ANKRD36: variants seen among roughly 807,000 people sequenced by gnomAD.
ANKRD36 encodes ankyrin repeat domain-containing protein 36A.
A neutral mutation model predicts 278.1 loss-of-function variants in ANKRD36; 179 were observed. The observed-to-expected ratio is 0.64, with a 90% CI of 0.57 to 0.73. The LOEUF (loss-of-function observed/expected upper bound fraction) is 0.73, where lower values mean the gene tolerates loss of function less well. ANKRD36 is among the 30% of genes least tolerant of loss of function. The pLI is 0.00. For missense variants in ANKRD36, 1,159 were observed against 1,956.7 expected (o/e 0.59, Z 7.69); for synonymous variants, 320 against 641.1 (o/e 0.50, Z 7.57).
Position 97,211,691 on chromosome 2 carries a change from C to T in ANKRD36, c.3419C>T (p.Ser1140Phe), listed in dbSNP as rs1470025095. The T allele has an allele frequency of 1.9e-6, 3 of 1,595,150 alleles. No individual in the cohort carries two copies. The highest frequency in any genetic ancestry group is 2.6e-6 in the Non-Finnish European group (3 of 1,172,140). The stretch of plus-strand genomic sequence containing the variant: ...CAGGCTATCTGTGACAAGGAAGATT[C>T]TGTTCCGAATATGGCCACGGAAAAA... ...ALKAICDKED[S>F]VPNMATEKKD... Residue 1140 changes from serine (S) to phenylalanine (F), a missense_variant, in exon 58 of 76, where the codon TCT (serine) becomes TTT (phenylalanine). Ser to Phe is a radical substitution (Grantham distance 155, BLOSUM62 -2). Transcript: ENST00000420699.
rs1445411117 is a variant in ANKRD36 at position 97,177,557 on chromosome 2, G to C, written c.1634-2181G>C. On this transcript the variant is annotated intron_variant, in intron 22 of 75. Transcript: ENST00000420699. ...CAGCTACCTGATCTTTGACAAACCT[G>C]AGAAAAACAAGCAATGGGGAAAGGA... Among the ~76,000 whole-genome samples, 3 of 151,994 alleles carry C rather than the reference G, an allele frequency of 2.0e-5. No individual in the cohort carries two copies. In the East Asian group the frequency reaches 5.8e-4, roughly 29 times the overall value.
chr2:97,231,423 C>G (rs558153346), intron 67 of ANKRD36, among the ~76,000 whole-genome samples: 1 of 152,170 alleles, frequency 6.6e-6, no homozygotes, highest in Non-Finnish European at 1.5e-5. Flanking sequence ...TCCATGGGCG[C>G]AGGACCCTCT....
At chr2:97,160,120 T>A (rs2048504121) in intron 17 of ANKRD36, among the ~76,000 whole-genome samples, 1 of 152,242 alleles carries the variant, frequency 6.6e-6, no homozygotes, top group South Asian at 2.1e-4. Flanking sequence ...CTAATTTATA[T>A]TCATTGAATG....
chr2:97,113,974 C>T (rs553638816), intron 1 of ANKRD36, 38 bp downstream of exon 1: 2 of 1,539,752 alleles, frequency 1.3e-6, no homozygotes, highest in African/African-American at 2.8e-5. Context: ...GGGAGGAGGC[C>T]TGTGGATGTG....
intron 6 of ANKRD36, among the ~76,000 whole-genome samples, chr2:97,131,344 C>A (rs1399755367): frequency 1.3e-5 from 2 of 151,982 alleles, no homozygotes; most frequent in Non-Finnish European, 2.9e-5. Context: ...AAGCATATGC[C>A]ACCACACCAA....
intron 75 of ANKRD36, among the ~76,000 whole-genome samples, chr2:97,262,562 A>G (rs1443060494): frequency 1.5e-5 from 2 of 129,886 alleles, no homozygotes; most frequent in Non-Finnish European, 3.1e-5. Flanking sequence ...GTCCAAAGTT[A>G]AAGACAAAAA....
intron 6 of ANKRD36, among the ~76,000 whole-genome samples, chr2:97,129,651 A>C (rs979146151): frequency 2.6e-5 from 4 of 152,050 alleles, no homozygotes; most frequent in African/African-American, 9.7e-5. Flanking sequence ...TTTTTGTATA[A>C]GGTGTAAGGA....
At chr2:97,164,601 T>C in intron 20 of ANKRD36, 132 bp downstream of exon 20, 1 of 1,001,356 alleles carries the variant, frequency 1.0e-6, no homozygotes, top group Middle Eastern at 2.2e-4. Context: ...GATGTTCTTG[T>C]TAATATCTTT....
chr2:97,136,471 A>G (rs1574749668), intron 6 of ANKRD36, among the ~76,000 whole-genome samples: 2 of 151,748 alleles, frequency 1.3e-5, no homozygotes, highest in East Asian at 3.9e-4. Context: ...CTTGAAGTCC[A>G]ACTGGAAGTT....
chr2:97,150,784 T>C (rs1179315089), intron 12 of ANKRD36, among the ~76,000 whole-genome samples: 22 of 150,914 alleles, frequency 1.5e-4, no homozygotes, highest in African/African-American at 5.5e-4. Flanking sequence ...CATGTTCTAT[T>C]AAATACCTTT....
chr2:97,220,560 A>G (rs1413443586), intron 66 of ANKRD36, among the ~76,000 whole-genome samples: 14 of 151,586 alleles, frequency 9.2e-5, no homozygotes, highest in African/African-American at 3.1e-4. Flanking sequence ...GTCATTGCGA[A>G]TGAGAGGATC....
intron 6 of ANKRD36, among the ~76,000 whole-genome samples, 175 bp from the exon 7 acceptor site, chr2:97,142,465 G>A (rs2043147862): frequency 6.6e-6 from 1 of 152,224 alleles, no homozygotes; most frequent in Non-Finnish European, 1.5e-5. Context: ...GCCTGTGTTG[G>A]TGTTTTCTTC....
At chr2:97,230,370 C>T (rs1391587360) in intron 67 of ANKRD36, among the ~76,000 whole-genome samples, 7 of 152,152 alleles carry the variant, frequency 4.6e-5, no homozygotes, top group South Asian at 2.1e-4. Context: ...CTTCCCTTCT[C>T]GTTTCATTTC....
At chr2:97,209,958 T>A in intron 56 of ANKRD36, 86 bp downstream of exon 56, 1 of 1,489,400 alleles carries the variant, frequency 6.7e-7, no homozygotes, top group East Asian at 2.5e-5. Flanking sequence ...GAGGGCTCGT[T>A]GAAGCTGCAC....
intron 50 of ANKRD36, among the ~76,000 whole-genome samples, chr2:97,205,016 G>C (rs1209887179): frequency 6.6e-6 from 1 of 151,356 alleles, no homozygotes; most frequent in Non-Finnish European, 1.5e-5. Flanking sequence ...CTTTGTTCAA[G>C]GAGCTACCTC....
intron 56 of ANKRD36, among the ~76,000 whole-genome samples, 181 bp from the exon 57 acceptor site, chr2:97,211,365 C>T (rs2064524536): frequency 6.6e-6 from 1 of 151,864 alleles, no homozygotes; most frequent in African/African-American, 2.4e-5. Flanking sequence ...TTCATGGAGC[C>T]TGTATTCCCT....
Position 97,161,572 on chromosome 2 carries a change from C to G in ANKRD36, c.1390-527C>G, listed in dbSNP as rs572503662. 4.3e-4 allele frequency among the ~76,000 whole-genome samples: 66 copies of G among 152,244 alleles called. 1 individual carries two copies. The South Asian group carries it at 0.013, about 31-fold the overall frequency. On this transcript the variant is annotated intron_variant, in intron 17 of 75. Coordinates refer to ENST00000420699, the MANE Select transcript of ANKRD36 (RefSeq NM_001354587.1). ...CTAACTCATCTGCTTATGGCTGGAC[C>G]CTCATTACACGAAAGAAACATTTAC... is the stretch of plus-strand genomic sequence containing the variant.
chr2:97,195,622 T>C lies in ANKRD36; in HGVS notation c.2551+705T>C, dbSNP rs1166885749. Among the ~76,000 whole-genome samples, 9 of 152,002 alleles carry C rather than the reference T, an allele frequency of 5.9e-5. No homozygotes were observed. The South Asian group carries it at 8.3e-4, about 14-fold the overall frequency. On this transcript the variant is annotated intron_variant, in intron 40 of 75. Transcript: ENST00000420699. ...ATACATATTTTGTTGATTTTAGTTA[T>C]AGAAATGAGATAAACTTGAATATGA... is the stretch of plus-strand genomic sequence containing the variant.
intron 6 of ANKRD36, among the ~76,000 whole-genome samples, chr2:97,129,459 G>C (rs2039498407): frequency 6.6e-6 from 1 of 151,988 alleles, no homozygotes; most frequent in African/African-American, 2.4e-5. Context: ...TTGCTGTGCA[G>C]AAGCTCTTTA....
Sources: gnomAD v4.1 joint callset for allele counts (sites outside exome capture counted in the v4.1 genomes callset) on GRCh38, gnomAD v4.1.1 for gene constraint, MANE v1.5 for transcripts, NCBI Gene and HGNC (gene_info 2026-07-23, HGNC 2026-07-21) for gene names.